Variants in SH2D4A observed in about 807,000 individuals in gnomAD.
SH2D4A encodes SH2 domain containing 4A.
SH2D4A carries 70 observed loss-of-function variants against 64.7 expected under a neutral mutation model. The ratio of observed to expected loss-of-function variants is 1.08; its 90% CI spans 0.89 to 1.32. SH2D4A has a LOEUF of 1.32. Among genes scored for constraint, SH2D4A ranks in the 40% most tolerant of loss-of-function variants. SH2D4A has a pLI of 0.00. For synonymous variants in SH2D4A, 268 were observed against 200.7 expected (o/e 1.34, Z -2.83); for missense variants, 706 against 540.1 (o/e 1.31, Z -3.04).
In SH2D4A at chr8:19,373,520, T is replaced by G; in HGVS notation, c.918-10T>G. ...TTAAATCTAACTTGAAAAACTTTTATAAATAACAGAAATCAGGGAGTGGTG... is the reference window on the plus strand; with the variant it reads ...TTAAATCTAACTTGAAAAACTTTTAGAAATAACAGAAATCAGGGAGTGGTG... On this transcript the variant is annotated splice_polypyrimidine_tract_variant and intron_variant, in intron 7 of 9. Coordinates refer to ENST00000265807, the MANE Select transcript of SH2D4A (RefSeq NM_022071.4). 6.4e-7 allele frequency: 1 copy of G among 1,567,192 alleles called. No homozygotes were observed. Among genetic ancestry groups the G allele is most frequent in the Non-Finnish European group, 8.6e-7 (1 of 1,157,368 alleles).
At chr8:19,321,988 C>T (rs970316380) in intron 2 of SH2D4A, among the ~76,000 whole-genome samples, 40 of 152,142 alleles carry the variant, frequency 2.6e-4, no homozygotes, top group Middle Eastern at 6.8e-3. Flanking sequence ...GTCAAATGAT[C>T]ATGAGAAAAG....
At chr8:19,320,353 G>C (rs566139466) in intron 2 of SH2D4A, among the ~76,000 whole-genome samples, 1 of 152,236 alleles carries the variant, frequency 6.6e-6, no homozygotes, top group East Asian at 1.9e-4. Flanking sequence ...CAGACAAGGT[G>C]CAGTGGCTCA....
chr8:19,372,107 T>G (rs1380290603), intron 7 of SH2D4A, among the ~76,000 whole-genome samples: 2 of 152,228 alleles, frequency 1.3e-5, no homozygotes, highest in Admixed American at 1.3e-4. Flanking sequence ...TGACAATATC[T>G]GCACATTTAA....
chr8:19,332,939 G>C lies in SH2D4A; in HGVS notation c.182-16G>C. 1 of 1,604,772 alleles carries C rather than the reference G, an allele frequency of 6.2e-7. No individual in the cohort carries two copies. Among genetic ancestry groups the C allele is most frequent in the South Asian group, 1.1e-5 (1 of 88,684 alleles). On this transcript the variant is annotated splice_polypyrimidine_tract_variant and intron_variant, in intron 2 of 9. Coordinates refer to ENST00000265807, the MANE Select transcript of SH2D4A (RefSeq NM_022071.4). ...TTTGTTCAATCTGAATTTTTTGTTT[G>C]TGTGTTTGTTTGCAGAGAATGGCAA...
chr8:19,313,808 G>C lies in SH2D4A; in HGVS notation c.-220G>C. ...GCGGGTGATCGAGCCACCCTGCCCA[G>C]GGGCGCCCAGCACTGGTAGGTGCTG... On this transcript the variant is annotated 5_prime_UTR_variant, in exon 1 of 10. Transcript: ENST00000265807. The C allele has an allele frequency of 6.6e-7, 1 of 1,507,984 alleles. No individual in the cohort carries two copies. The allele number at this position is 1,507,984 out of a possible 1,614,324, so 93.4% of individuals were successfully genotyped here. A position where few individuals can be genotyped will look rare whatever the true frequency, so the allele number is the denominator to read the frequency against.
chr8:19,371,696 C>T (rs113928890), intron 7 of SH2D4A, among the ~76,000 whole-genome samples: 2,548 of 152,146 alleles, frequency 0.017, 81 homozygotes, highest in African/African-American at 0.058. Flanking sequence ...TTAATAACTC[C>T]AATATTTACT....
At chr8:19,385,684 C>G (rs1266881093) in intron 8 of SH2D4A, among the ~76,000 whole-genome samples, 2 of 152,148 alleles carry the variant, frequency 1.3e-5, no homozygotes, top group Non-Finnish European at 2.9e-5. Flanking sequence ...TTGTCATACA[C>G]AGCTCCTTCA....
chr8:19,376,085 A>C (rs2053191195), intron 8 of SH2D4A, among the ~76,000 whole-genome samples: 1 of 152,012 alleles, frequency 6.6e-6, no homozygotes, highest in Non-Finnish European at 1.5e-5. Flanking sequence ...CCTTTGGCTG[A>C]CTTCTTAAGG....
intron 4 of SH2D4A, among the ~76,000 whole-genome samples, chr8:19,350,654 T>C (rs1387975017): frequency 2.6e-5 from 4 of 152,082 alleles, no homozygotes; most frequent in Non-Finnish European, 5.9e-5. Context: ...CAGCCCACTT[T>C]TGTATTTTCT....
chr8:19,326,304 G>A (rs1479479208), intron 2 of SH2D4A, among the ~76,000 whole-genome samples: 1 of 152,230 alleles, frequency 6.6e-6, no homozygotes, highest in African/African-American at 2.4e-5. Flanking sequence ...CTGCCAGTCA[G>A]GCATTTGTCT....
At chr8:19,385,397 G>A (rs1191924414) in intron 8 of SH2D4A, among the ~76,000 whole-genome samples, 2 of 151,984 alleles carry the variant, frequency 1.3e-5, no homozygotes, top group African/African-American at 2.4e-5. Flanking sequence ...TTTTAGTAGA[G>A]ACCATGTTGG....
At chr8:19,375,133 C>T (rs915580257) in intron 8 of SH2D4A, 10 of 152,132 alleles carry the variant, frequency 6.6e-5, no homozygotes, top group Non-Finnish European at 1.2e-4. Context: ...TTGAGTTTTA[C>T]GTAAAATAAC....
intron 4 of SH2D4A, among the ~76,000 whole-genome samples, chr8:19,348,307 G>C (rs962907612): frequency 6.6e-6 from 1 of 152,050 alleles, no homozygotes; most frequent in Non-Finnish European, 1.5e-5. Flanking sequence ...ATGTTGCCCA[G>C]GCTGCTCTTG....
Position 19,316,862 on chromosome 8 carries a change from A to ATGGGC in SH2D4A, c.-204-2478_-204-2474dup, listed in dbSNP as rs1027451753. Reference sequence around the variant, plus strand: ...CCTAATCTGTGAGATGGGCATAGTGATGGGCTGGACTCCAAGGGTTATTGT... The same window carrying ATGGGC: ...CCTAATCTGTGAGATGGGCATAGTGATGGGCTGGGCTGGACTCCAAGGGTTATTGT... On this transcript the variant is annotated intron_variant, in intron 1 of 9. Transcript: ENST00000265807. 8.3e-4 allele frequency among the ~76,000 whole-genome samples: 126 copies of ATGGGC among 152,310 alleles called. 1 individual carries two copies. Among genetic ancestry groups the ATGGGC allele is most frequent in the African/African-American group, 3.0e-3 (124 of 41,568 alleles).
At chr8:19,354,292 C>T (rs1163081876) in intron 4 of SH2D4A, among the ~76,000 whole-genome samples, 2 of 152,218 alleles carry the variant, frequency 1.3e-5, no homozygotes, top group African/African-American at 2.4e-5. Flanking sequence ...TGAGCCACCA[C>T]GCATGGGCCT....
chr8:19,354,060 A>G (rs34459390), intron 4 of SH2D4A, among the ~76,000 whole-genome samples: 38,599 of 148,456 alleles, frequency 0.26, 5,927 homozygotes, highest in African/African-American at 0.44. Flanking sequence ...GCACAATCTT[A>G]GCTCACTGTA....
intron 4 of SH2D4A, among the ~76,000 whole-genome samples, 188 bp from the exon 5 acceptor site, chr8:19,357,015 T>G (rs780776873): frequency 7.2e-5 from 11 of 152,202 alleles, no homozygotes; most frequent in Non-Finnish European, 8.8e-5. Context: ...GTGGGGATAC[T>G]GAGGATTCAC....
chr8:19,389,463 G>T (rs970356790), intron 8 of SH2D4A, among the ~76,000 whole-genome samples: 7 of 152,144 alleles, frequency 4.6e-5, no homozygotes, highest in Non-Finnish European at 7.4e-5. Context: ...ACACAGAGAG[G>T]AGTGGGACCT....
chr8:19,325,605 C>T (rs916620081), intron 2 of SH2D4A, among the ~76,000 whole-genome samples: 12 of 152,200 alleles, frequency 7.9e-5, no homozygotes, highest in African/African-American at 2.9e-4. Flanking sequence ...ATGGGCTTCA[C>T]TGATGTCCTC....
Sources: gnomAD v4.1 joint callset for allele counts (sites outside exome capture counted in the v4.1 genomes callset) on GRCh38, gnomAD v4.1.1 for gene constraint, MANE v1.5 for transcripts, NCBI Gene and HGNC (gene_info 2026-07-23, HGNC 2026-07-21) for gene names.